FLRT1: variants seen among roughly 807,000 people sequenced by gnomAD.
The protein encoded by FLRT1 is leucine-rich repeat transmembrane protein FLRT1.
A neutral mutation model predicts 30.9 loss-of-function variants in FLRT1; 14 were observed. The ratio of observed to expected loss-of-function variants is 0.45; its 90% CI spans 0.30 to 0.71. The LOEUF is 0.71. Among genes scored for constraint, FLRT1 ranks in the 30% least tolerant of loss-of-function variants. The pLI, the probability that FLRT1 is intolerant of heterozygous loss-of-function variation, is 0.08. For synonymous variants in FLRT1, 368 were observed against 430.4 expected (o/e 0.85, Z 1.80); for missense variants, 737 against 949.2 (o/e 0.78, Z 2.94).
At chr11:64,084,994 C>G (rs952624373) in intron 1 of FLRT1, among the ~76,000 whole-genome samples, 1 of 152,246 alleles carries the variant, frequency 6.6e-6, no homozygotes, top group Admixed American at 6.5e-5. Flanking sequence ...AGTTCTAACT[C>G]TGCCTTACTA....
chr11:64,112,814 C>T (rs1180611187), intron 2 of FLRT1, among the ~76,000 whole-genome samples: 3 of 152,204 alleles, frequency 2.0e-5, no homozygotes, highest in Non-Finnish European at 4.4e-5. Flanking sequence ...TAGGATTGCA[C>T]AGGGCCTTAG....
Position 64,036,806 on chromosome 11 carries a change from C to A in FLRT1, c.-1038+647C>A, listed in dbSNP as rs1943390064. ...ACCATGGTGCCTGGGCGGGGGGCGGCGGGCACCCCCCATCCCCCAGCTCTC... is the reference window on the plus strand; with the variant it reads ...ACCATGGTGCCTGGGCGGGGGGCGGAGGGCACCCCCCATCCCCCAGCTCTC... On this transcript the variant is annotated intron_variant, in intron 1 of 2. Coordinates refer to ENST00000682287, the MANE Select transcript of FLRT1 (RefSeq NM_013280.5). This position sits in a 1 kb window ranked among gnomAD's most constrained non-coding sequence, Gnocchi z 5.6. 6.6e-6 allele frequency among the ~76,000 whole-genome samples: 1 copy of A among 152,128 alleles called. No individual in the cohort carries two copies.
At position 64,117,200 on chromosome 11, in the gene FLRT1, C is replaced by T. The variant is rs757865702; in HGVS notation, c.933C>T (p.Arg311=). 3.1e-5 allele frequency: 50 copies of T among 1,614,052 alleles called. No homozygotes were observed. In the East Asian group the frequency reaches 4.7e-4, roughly 15 times the overall value. Residue 311 remains arginine (R), a synonymous_variant, in exon 3 of 3, where the codon CGC becomes CGT. Coordinates refer to ENST00000682287, the MANE Select transcript of FLRT1 (RefSeq NM_013280.5). ...LSNNNLTTLP[R]GLFDDLGNLA... is the part of the protein sequence containing the mutation. ...ACAACAACCTGACCACGCTGCCCCG[C>T]GGCCTGTTCGACGACCTGGGGAACC...
intron 1 of FLRT1, among the ~76,000 whole-genome samples, chr11:64,057,782 T>C (rs1480196591): frequency 1.3e-5 from 2 of 152,252 alleles, no homozygotes; most frequent in African/African-American, 4.8e-5. Flanking sequence ...TGTTGAGCGC[T>C]TACTCTGTAC....
chr11:64,085,999 G>A lies in FLRT1; in HGVS notation c.-1037-17195G>A, dbSNP rs1330618229. Among the ~76,000 whole-genome samples the A allele has an allele frequency of 3.3e-5, 5 of 151,478 alleles. No homozygotes were observed. In the South Asian group the frequency reaches 6.3e-4, roughly 19 times the overall value. ...GGTTAGTGGGCTTGCAGCCTCAAAGGAGGCTCAGGGAGGGAGGGTGGGGGT... is the reference window on the plus strand; with the variant it reads ...GGTTAGTGGGCTTGCAGCCTCAAAGAAGGCTCAGGGAGGGAGGGTGGGGGT... On this transcript the variant is annotated intron_variant, in intron 1 of 2. Coordinates refer to ENST00000682287, the MANE Select transcript of FLRT1 (RefSeq NM_013280.5).
At position 64,067,196 on chromosome 11, in the gene FLRT1, A is replaced by C. The variant is rs2134452681; in HGVS notation, c.-1038+31037A>C. Among the ~76,000 whole-genome samples the C allele has an allele frequency of 6.6e-6, 1 of 152,242 alleles. No individual in the cohort carries two copies. Among genetic ancestry groups the C allele is most frequent in the African/African-American group, 2.4e-5 (1 of 41,558 alleles). ...CCACCTGTAGGCACATGCGGCTCCA[A>C]GGAGATGGCAGATGGGAGGGGTGGG... On this transcript the variant is annotated intron_variant, in intron 1 of 2. Transcript: ENST00000682287. This position sits in a 1 kb window ranked among gnomAD's most constrained non-coding sequence, Gnocchi z 4.6.
chr11:64,116,113 G>T, intron 2 of FLRT1, 106 bp from the exon 3 acceptor site: 1 of 1,212,942 alleles, frequency 8.2e-7, no homozygotes, highest in Non-Finnish European at 1.1e-6. Context: ...ACCGGACTTC[G>T]GTCACCCCTT....
chr11:64,117,282 C>T lies in FLRT1; in HGVS notation c.1015C>T (p.Leu339=), dbSNP rs1400167263. The part of the protein sequence containing the change: ...PWFCGCNLMW[L]RDWVKARAAV... ...GTTTTGTGGCTGCAACCTCATGTGG[C>T]TGCGGGACTGGGTGAAGGCACGGGC... Residue 339 remains leucine (L), a synonymous_variant, in exon 3 of 3, where the codon CTG becomes TTG. Coordinates refer to ENST00000682287, the MANE Select transcript of FLRT1 (RefSeq NM_013280.5). The T allele has an allele frequency of 1.9e-6, 3 of 1,614,060 alleles. No individual in the cohort carries two copies. The African/African-American group carries it at 4.0e-5, about 22-fold the overall frequency.
intron 1 of FLRT1, among the ~76,000 whole-genome samples, chr11:64,059,118 G>A (rs907215385): frequency 4.6e-5 from 7 of 152,176 alleles, no homozygotes; most frequent in Non-Finnish European, 7.3e-5. Flanking sequence ...CTGAAAGGAC[G>A]GAACAGCCCC....
At chr11:64,069,723 C>A (rs912475668) in intron 1 of FLRT1, among the ~76,000 whole-genome samples, 1 of 152,178 alleles carries the variant, frequency 6.6e-6, no homozygotes, top group African/African-American at 2.4e-5. Context: ...GTGACACCCC[C>A]GGGCCCGGCC....
chr11:64,040,031 C>A (rs183049753), intron 1 of FLRT1, among the ~76,000 whole-genome samples: 1 of 152,380 alleles, frequency 6.6e-6, no homozygotes, highest in Non-Finnish European at 1.5e-5. Context: ...CCTGCTCATT[C>A]ATTCATTCAT....
At chr11:64,041,117 G>A (rs1943475840) in intron 1 of FLRT1, among the ~76,000 whole-genome samples, 1 of 147,004 alleles carries the variant, frequency 6.8e-6, no homozygotes, top group Non-Finnish European at 1.5e-5. Context: ...GCAGCTCTGT[G>A]GCAGTATTTT....
At chr11:64,045,263 C>T (rs976420402) in intron 1 of FLRT1, among the ~76,000 whole-genome samples, 14 of 152,186 alleles carry the variant, frequency 9.2e-5, no homozygotes, top group Non-Finnish European at 1.9e-4. Flanking sequence ...AGGGTGCTGG[C>T]GGCCTGCCGT....
intron 1 of FLRT1, among the ~76,000 whole-genome samples, chr11:64,059,949 T>C (rs1943865785): frequency 6.6e-6 from 1 of 151,638 alleles, no homozygotes; most frequent in South Asian, 2.1e-4. Context: ...GCTTGGGGGA[T>C]GTTGGGGGGC....
At chr11:64,063,357 C>T (rs1410362350) in intron 1 of FLRT1, among the ~76,000 whole-genome samples, 3 of 152,092 alleles carry the variant, frequency 2.0e-5, no homozygotes, top group East Asian at 1.9e-4. Context: ...GTGCCACACA[C>T]GTGTCAACTG....
chr11:64,043,388 G>A (rs1185443996), intron 1 of FLRT1, among the ~76,000 whole-genome samples: 1 of 152,220 alleles, frequency 6.6e-6, no homozygotes, highest in Non-Finnish European at 1.5e-5. Context: ...TGAGCCCCGA[G>A]GTCTGGGGCC....
chr11:64,074,525 G>A (rs1944167190), intron 1 of FLRT1, among the ~76,000 whole-genome samples: 1 of 152,216 alleles, frequency 6.6e-6, no homozygotes, highest in Admixed American at 6.5e-5. Context: ...CTGGCCTAAG[G>A]TCACGCAGCA....
intron 1 of FLRT1, among the ~76,000 whole-genome samples, chr11:64,077,015 A>G (rs1786497814): frequency 6.7e-6 from 1 of 149,240 alleles, no homozygotes; most frequent in Non-Finnish European, 1.5e-5. Context: ...TAGGCCCTTG[A>G]GCTGTGGGGA....
intron 1 of FLRT1, among the ~76,000 whole-genome samples, chr11:64,076,439 T>TGGAC (rs1207177932): frequency 2.6e-5 from 4 of 151,658 alleles, no homozygotes; most frequent in African/African-American, 9.7e-5. Flanking sequence ...CTGTACTGGA[T>TGGAC]GGATGGATGG....
Sources: gnomAD v4.1 joint callset for allele counts (sites outside exome capture counted in the v4.1 genomes callset) on GRCh38, gnomAD v4.1.1 for gene constraint, Gnocchi (gnomAD v3.1) non-coding constraint, MANE v1.5 for transcripts, NCBI Gene and HGNC (gene_info 2026-07-23, HGNC 2026-07-21) for gene names.